RILPL2: variants seen among roughly 807,000 people sequenced by gnomAD.
RILPL2 encodes Rab interacting lysosomal protein like 2.
A neutral mutation model predicts 22.2 loss-of-function variants in RILPL2; 19 were observed. That is an observed-to-expected ratio of 0.86 (90% CI 0.60 to 1.25). RILPL2 has a LOEUF of 1.25. Ranked by LOEUF, RILPL2 falls within the 50% of genes most tolerant of loss-of-function variation. RILPL2 has a pLI of 0.00. For synonymous variants in RILPL2, 123 were observed against 111.6 expected (o/e 1.10, Z -0.64); for missense variants, 243 against 263.6 (o/e 0.92, Z 0.54).
chr12:123,411,499 G>C (rs923483261), downstream of RILPL2: 4 of 145,740 alleles, frequency 2.7e-5, no homozygotes, highest in African/African-American at 1.0e-4. Flanking sequence ...TAAAATAAAA[G>C]ATGATTGCTA....
chr12:123,411,430 T>C (rs750837993), downstream of RILPL2: 9 of 151,516 alleles, frequency 5.9e-5, no homozygotes, highest in Non-Finnish European at 1.3e-4. Context: ...GGTCAGGAGC[T>C]GAGATCCTGC....
At chr12:123,431,712 G>A (rs1054664778) in intron 1 of RILPL2, among the ~76,000 whole-genome samples, 2 of 150,936 alleles carry the variant, frequency 1.3e-5, no homozygotes, top group African/African-American at 4.9e-5. Flanking sequence ...TGTAGTCCCA[G>A]CTACTCAGGA....
chr12:123,409,625 C>T, the RILPL2 span, among the ~76,000 whole-genome samples: 9 of 150,910 alleles, frequency 6.0e-5, no homozygotes, highest in Admixed American at 4.0e-4. Context: ...TCACTGCAAC[C>T]TCCAACCTCC....
At chr12:123,425,135 T>C (rs1402489997) in intron 2 of RILPL2, among the ~76,000 whole-genome samples, 1 of 151,922 alleles carries the variant, frequency 6.6e-6, no homozygotes, top group Non-Finnish European at 1.5e-5. Flanking sequence ...CGCCTCTGCC[T>C]CCCAAAGTGC....
At chr12:123,435,170 A>G (rs566345862) in intron 1 of RILPL2, among the ~76,000 whole-genome samples, 1 of 148,052 alleles carries the variant, frequency 6.8e-6, no homozygotes, top group East Asian at 2.0e-4. Context: ...ACAGAGCAAG[A>G]TTCTGACTCA....
chr12:123,422,205 G>A (rs1002694856), intron 3 of RILPL2, among the ~76,000 whole-genome samples: 2 of 145,460 alleles, frequency 1.4e-5, no homozygotes, highest in African/African-American at 5.0e-5. Context: ...CTAAAAGGCC[G>A]ACAAATGATA....
At position 123,436,095 on chromosome 12, in the gene RILPL2, G is replaced by A. The variant is rs1278764616; in HGVS notation, c.326C>T (p.Pro109Leu). Reference protein sequence around the residue: ...EVEGLRRQSPPASGEVNLGPN... With the variant: ...EVEGLRRQSPLASGEVNLGPN... ...TCCCACACTCACCTCCCCGCTGGCC[G>A]GAGGGCTCTGTCTCCGCAGCCCCTC... The change falls in exon 1 of 4, where the codon CCG (proline) becomes CTG (leucine). Residue 109 changes from proline to leucine, a missense_variant. Physicochemically the swap from Pro to Leu is moderately conservative, Grantham distance 98. Transcript: ENST00000280571. This position sits in a 1 kb window ranked among gnomAD's most constrained non-coding sequence, Gnocchi z 6.7. 5 of 1,576,364 alleles carry A rather than the reference G, an allele frequency of 3.2e-6. No homozygotes were observed. Among genetic ancestry groups the A allele is most frequent in the Admixed American group, 3.7e-5 (2 of 54,496 alleles).
chr12:123,433,802 G>C (rs905428056), intron 1 of RILPL2, among the ~76,000 whole-genome samples: 1 of 152,134 alleles, frequency 6.6e-6, no homozygotes, highest in Non-Finnish European at 1.5e-5. Flanking sequence ...CCTTGTCTAC[G>C]TTATCTCCAT....
At chr12:123,417,867 G>A (rs1215838954) in intron 3 of RILPL2, among the ~76,000 whole-genome samples, 2 of 152,150 alleles carry the variant, frequency 1.3e-5, no homozygotes, top group African/African-American at 2.4e-5. Flanking sequence ...TTACAGGCGT[G>A]AGCCACTGTG....
At chr12:123,421,258 G>T (rs1229538569) in intron 3 of RILPL2, among the ~76,000 whole-genome samples, 1 of 152,016 alleles carries the variant, frequency 6.6e-6, no homozygotes, top group Non-Finnish European at 1.5e-5. Context: ...TGGCCAGGCT[G>T]GTCTCGAACT....
intron 3 of RILPL2, among the ~76,000 whole-genome samples, chr12:123,422,014 T>C (rs942434013): frequency 5.3e-5 from 8 of 150,092 alleles, no homozygotes; most frequent in Non-Finnish European, 1.0e-4. Context: ...TCTTTTTTTT[T>C]TTTTTTGAGA....
chr12:123,430,395 C>T (rs572477079), intron 2 of RILPL2, 113 bp downstream of exon 2: 12 of 1,084,986 alleles, frequency 1.1e-5, no homozygotes, highest in South Asian at 3.3e-5. Context: ...GGCGACAGAG[C>T]GAGACTCTGT....
At chr12:123,409,755 T>G in the RILPL2 span, among the ~76,000 whole-genome samples, 1 of 123,228 alleles carries the variant, frequency 8.1e-6, no homozygotes, top group Non-Finnish European at 1.6e-5. Flanking sequence ...GAGATGGAAT[T>G]TCACTCTGTT....
downstream of RILPL2, among the ~76,000 whole-genome samples, chr12:123,410,513 C>A (rs1028335499): frequency 3.3e-5 from 5 of 152,174 alleles, no homozygotes; most frequent in Non-Finnish European, 5.9e-5. Context: ...TTGCCTCCTC[C>A]CCCAAAGATT....
chr12:123,414,162 G>A (rs922249122), downstream of RILPL2: 2 of 153,314 alleles, frequency 1.3e-5, no homozygotes, highest in African/African-American at 4.8e-5. Context: ...CATGGAGCAG[G>A]GGGTGGGGCT....
chr12:123,435,828 G>C (rs1019243719), intron 1 of RILPL2, among the ~76,000 whole-genome samples: 1 of 151,718 alleles, frequency 6.6e-6, no homozygotes, highest in Admixed American at 6.6e-5. Context: ...CTGCGAACTC[G>C]TTAGAAATAC....
rs35786523 is a variant in RILPL2 at position 123,422,005 on chromosome 12, C to CTTTTTTT, written c.605+1032_605+1038dup. On this transcript the variant is annotated intron_variant, in intron 3 of 3. Coordinates refer to ENST00000280571, the MANE Select transcript of RILPL2 (RefSeq NM_145058.3). Reference sequence around the variant, plus strand: ...ATTTTTGTTTTCTTTCTTTCTCTCTCTTTTTTTTTTTTTTTGAGATAGGGT... The same window carrying CTTTTTTT: ...ATTTTTGTTTTCTTTCTTTCTCTCTCTTTTTTTTTTTTTTTTTTTTTTGAGATAGGGT... Among the ~76,000 whole-genome samples the CTTTTTTT allele has an allele frequency of 6.0e-5, 8 of 132,370 alleles. 1 individual carries two copies. Among genetic ancestry groups the CTTTTTTT allele is most frequent in the Non-Finnish European group, 9.5e-5 (6 of 63,238 alleles). 86.8% of individuals were successfully genotyped at this position (132,370 alleles called of 152,430 possible).
rs1322354854 is a variant in RILPL2, at chr12:123,430,265, CA to C, written c.491+242del. 1.7e-3 allele frequency among the ~76,000 whole-genome samples: 255 copies of C among 151,460 alleles called. 2 individuals are homozygous for C. Among genetic ancestry groups the C allele is most frequent in the African/African-American group, 5.2e-3 (216 of 41,296 alleles). On this transcript the variant is annotated intron_variant, in intron 2 of 3. Coordinates refer to ENST00000280571, the MANE Select transcript of RILPL2 (RefSeq NM_145058.3). ...TCTACTAAAAATACAAAAAATTAGCCAGGCACGGTGGCGGGCGCCTGTAGTC... is the reference window on the plus strand; with the variant it reads ...TCTACTAAAAATACAAAAAATTAGCCGGCACGGTGGCGGGCGCCTGTAGTC...
At chr12:123,422,005 CTT>C (rs35786523) in intron 3 of RILPL2, among the ~76,000 whole-genome samples, 21 of 132,314 alleles carry the variant, frequency 1.6e-4, no homozygotes, top group Admixed American at 2.4e-4. Context: ...CTTTCTCTCT[CTT>C]TTTTTTTTTT....
Sources: allele counts gnomAD v4.1 joint callset (sites outside exome capture counted in the v4.1 genomes callset), GRCh38; gene constraint gnomAD v4.1.1; non-coding constraint Gnocchi (gnomAD v3.1); transcripts MANE v1.5; gene names NCBI Gene and HGNC (gene_info 2026-07-23, HGNC 2026-07-21).